Variants in CHN2 observed in about 807,000 individuals in gnomAD.
The protein encoded by CHN2 is beta-chimaerin.
A neutral mutation model predicts 56.3 loss-of-function variants in CHN2; 35 were observed. The ratio of observed to expected loss-of-function variants is 0.62; its 90% CI spans 0.47 to 0.82. The LOEUF (loss-of-function observed/expected upper bound fraction) is 0.82. Among genes scored for constraint, CHN2 ranks in the 40% least tolerant of loss-of-function variants. CHN2 has a pLI of 0.00. For missense variants in CHN2, 491 were observed against 580.5 expected (o/e 0.85, Z 1.58); for synonymous variants, 210 against 212.8 (o/e 0.99, Z 0.12).
At chr7:29,460,813 C>T (rs911615213) in intron 6 of CHN2, among the ~76,000 whole-genome samples, 37 of 152,296 alleles carry the variant, frequency 2.4e-4, no homozygotes, top group African/African-American at 4.8e-4. Context: ...AACAGCGGAT[C>T]GGGCTTCTGG....
At chr7:29,199,810 A>G (rs952333740) in intron 1 of CHN2, 1 of 152,206 alleles carries the variant, frequency 6.6e-6, no homozygotes, top group African/African-American at 2.4e-5. Context: ...TTGTGCTGAA[A>G]TGCTGGTTCT....
At chr7:29,213,388 AG>A (rs1785105851) in intron 1 of CHN2, among the ~76,000 whole-genome samples, 2 of 152,204 alleles carry the variant, frequency 1.3e-5, no homozygotes, top group Non-Finnish European at 2.9e-5. Context: ...GAGCCTAATC[AG>A]AGAGGTTTCT....
intron 3 of CHN2, among the ~76,000 whole-genome samples, chr7:29,386,564 G>A (rs1486842867): frequency 2.0e-5 from 3 of 152,140 alleles, no homozygotes; most frequent in African/African-American, 7.2e-5. Flanking sequence ...TGAACATAAA[G>A]GAACTTGTGT....
At chr7:29,272,740 A>G (rs1790766038) in intron 1 of CHN2, among the ~76,000 whole-genome samples, 1 of 152,212 alleles carries the variant, frequency 6.6e-6, no homozygotes, top group Non-Finnish European at 1.5e-5. Context: ...TTAAAAAATG[A>G]TTTGTCAATT....
intron 6 of CHN2, among the ~76,000 whole-genome samples, chr7:29,428,961 G>A (rs748725810): frequency 3.9e-5 from 6 of 152,064 alleles, no homozygotes; most frequent in Admixed American, 6.6e-5. Flanking sequence ...TCTTTGGGCC[G>A]CACTGGGGAG....
intron 6 of CHN2, among the ~76,000 whole-genome samples, chr7:29,447,134 A>G (rs1562614557): frequency 6.6e-6 from 1 of 152,226 alleles, no homozygotes; most frequent in Non-Finnish European, 1.5e-5. Context: ...GCAGAAAAAC[A>G]TCATCTATGA....
At chr7:29,340,454 G>A (rs1166622595) in intron 1 of CHN2, among the ~76,000 whole-genome samples, 3 of 152,154 alleles carry the variant, frequency 2.0e-5, no homozygotes, top group Non-Finnish European at 4.4e-5. Context: ...ACATTGCAGA[G>A]CAGGTCCAGG....
intron 1 of CHN2, among the ~76,000 whole-genome samples, chr7:29,209,757 G>A (rs929010917): frequency 3.3e-5 from 5 of 152,192 alleles, no homozygotes; most frequent in Non-Finnish European, 4.4e-5. Context: ...GTGATCATTA[G>A]CAGTTCTTTG....
intron 1 of CHN2, among the ~76,000 whole-genome samples, chr7:29,260,480 G>A (rs1319904517): frequency 2.6e-5 from 4 of 151,990 alleles, no homozygotes; most frequent in African/African-American, 4.8e-5. Flanking sequence ...AAGCTTTTTG[G>A]GCCACTGAGT....
chr7:29,279,980 G>A (rs191592122), intron 1 of CHN2, among the ~76,000 whole-genome samples: 51 of 152,302 alleles, frequency 3.3e-4, no homozygotes, highest in African/African-American at 1.2e-3. Flanking sequence ...GCCCCTAGGT[G>A]AGAAAGTGGA....
Position 29,308,472 on chromosome 7 carries a change from TG to T in CHN2, c.50-46152del, listed in dbSNP as rs1230367466. ...GTGCAAGGTGGTTGGGGTGTGTGTG[TG>T]TGTGTGTGTTGGGATAGGAATTGGG... On this transcript the variant is annotated intron_variant, in intron 1 of 12. Transcript: ENST00000222792. 4.6e-5 allele frequency among the ~76,000 whole-genome samples: 7 copies of T among 152,180 alleles called. No individual in the cohort carries two copies. In the East Asian group the frequency reaches 9.7e-4, roughly 21 times the overall value.
At chr7:29,339,548 G>T (rs76576611) in intron 1 of CHN2, among the ~76,000 whole-genome samples, 1 of 152,044 alleles carries the variant, frequency 6.6e-6, no homozygotes, top group Non-Finnish European at 1.5e-5. Flanking sequence ...ATTGTTTTTT[G>T]TTAGCCATAT....
upstream of CHN2, among the ~76,000 whole-genome samples, chr7:29,190,861 A>G (rs1782796065): frequency 6.6e-6 from 1 of 152,124 alleles, no homozygotes. Flanking sequence ...AACAACATCC[A>G]CTGAGCACCT....
chr7:29,457,464 G>T (rs2128135083), intron 6 of CHN2, among the ~76,000 whole-genome samples: 1 of 152,290 alleles, frequency 6.6e-6, no homozygotes, highest in Admixed American at 6.5e-5. Flanking sequence ...TCTGGAAACG[G>T]TCTGAGTGCT....
At chr7:29,369,689 G>A (rs1056964144) in intron 3 of CHN2, among the ~76,000 whole-genome samples, 3 of 152,150 alleles carry the variant, frequency 2.0e-5, no homozygotes, top group African/African-American at 7.2e-5. Flanking sequence ...GTTAGCAGTG[G>A]AGGTAGGCGA....
At chr7:29,323,004 A>AT (rs1795480592) in intron 1 of CHN2, among the ~76,000 whole-genome samples, 1 of 152,112 alleles carries the variant, frequency 6.6e-6, no homozygotes, top group Admixed American at 6.6e-5. Context: ...AAATACAAAA[A>AT]TTAGCTGGGT....
chr7:29,241,827 G>A (rs1287711502), intron 1 of CHN2, among the ~76,000 whole-genome samples: 1 of 152,098 alleles, frequency 6.6e-6, no homozygotes, highest in African/African-American at 2.4e-5. Flanking sequence ...CATAATTTTA[G>A]TTTGAGAGGT....
At chr7:29,260,922 TC>T (rs1328595635) in intron 1 of CHN2, among the ~76,000 whole-genome samples, 1 of 152,206 alleles carries the variant, frequency 6.6e-6, no homozygotes, top group Non-Finnish European at 1.5e-5. Context: ...AATCCCCAAT[TC>T]ATAAGCCACT....
intron 1 of CHN2, among the ~76,000 whole-genome samples, chr7:29,319,021 C>G (rs763522248): frequency 1.3e-5 from 2 of 152,164 alleles, no homozygotes; most frequent in Non-Finnish European, 2.9e-5. Context: ...ACTCTTTGTC[C>G]AGTTGGGAGG....
Sources: allele counts gnomAD v4.1 joint callset (sites outside exome capture counted in the v4.1 genomes callset), GRCh38; gene constraint gnomAD v4.1.1; transcripts MANE v1.5; gene names NCBI Gene and HGNC (gene_info 2026-07-23, HGNC 2026-07-21).